DLG2: variants seen among roughly 807,000 people sequenced by gnomAD.
The protein encoded by DLG2 is disks large homolog 2.
In DLG2, 45 loss-of-function variants were observed where a neutral mutation model predicts 132.5. The observed-to-expected ratio is 0.34, with a 90% CI of 0.27 to 0.44. The LOEUF is 0.44. Ranked by LOEUF, DLG2 falls within the 20% of genes least tolerant of loss-of-function variation. DLG2 has a pLI of 1.00. For synonymous variants in DLG2, 424 were observed against 419.6 expected (o/e 1.01, Z -0.13); for missense variants, 1,045 against 1,196.9 (o/e 0.87, Z 1.87).
At chr11:85,394,959 T>G (rs1156390614) in intron 3 of DLG2, among the ~76,000 whole-genome samples, 3 of 152,228 alleles carry the variant, frequency 2.0e-5, no homozygotes. Context: ...ACATGTATAC[T>G]TTTGCACTAT....
chr11:84,542,920 T>C (rs181407779), intron 6 of DLG2, among the ~76,000 whole-genome samples: 6 of 150,160 alleles, frequency 4.0e-5, no homozygotes, highest in Admixed American at 4.0e-4. Flanking sequence ...CTTTTAGGGA[T>C]TTCTGCAGTC....
intron 10 of DLG2, among the ~76,000 whole-genome samples, chr11:84,083,500 A>C (rs760927363): frequency 2.0e-5 from 3 of 152,202 alleles, no homozygotes; most frequent in Non-Finnish European, 4.4e-5. Context: ...TTCCCAATGC[A>C]ACAGTGTTGG....
intron 7 of DLG2, among the ~76,000 whole-genome samples, chr11:84,519,312 T>C (rs7107338): frequency 0.062 from 9,409 of 152,276 alleles, 335 homozygotes; most frequent in Middle Eastern, 0.11. Flanking sequence ...AAGTGTATCA[T>C]CATTTTAGCA....
chr11:84,808,030 T>C (rs369383407), intron 6 of DLG2, among the ~76,000 whole-genome samples: 24 of 152,210 alleles, frequency 1.6e-4, no homozygotes, highest in African/African-American at 5.5e-4. Flanking sequence ...CATAAAAAAC[T>C]AGAAGAATAC....
chr11:83,792,332 T>C (rs1272985574), intron 17 of DLG2, among the ~76,000 whole-genome samples: 5 of 152,294 alleles, frequency 3.3e-5, no homozygotes, highest in Non-Finnish European at 5.9e-5. Context: ...TAGGAACTAA[T>C]AAATAAGAAA....
At chr11:85,310,445 C>G (rs2080243112) in intron 3 of DLG2, among the ~76,000 whole-genome samples, 1 of 152,174 alleles carries the variant, frequency 6.6e-6, no homozygotes, top group Admixed American at 6.5e-5. Flanking sequence ...ATTTCCAAAG[C>G]TACGCCCCAA....
intron 6 of DLG2, among the ~76,000 whole-genome samples, chr11:84,904,460 T>C (rs918309168): frequency 6.6e-6 from 1 of 152,170 alleles, no homozygotes; most frequent in African/African-American, 2.4e-5. Flanking sequence ...CTTTTTCAGA[T>C]CTTATTTTTT....
At chr11:85,605,328 G>A (rs1427292858) in intron 2 of DLG2, among the ~76,000 whole-genome samples, 1 of 151,452 alleles carries the variant, frequency 6.6e-6, no homozygotes, top group African/African-American at 2.5e-5. Flanking sequence ...AAATGGAGAT[G>A]AGCATATTTT....
intron 4 of DLG2, among the ~76,000 whole-genome samples, chr11:85,234,144 T>G (rs867802986): frequency 2.6e-5 from 4 of 151,902 alleles, no homozygotes; most frequent in Non-Finnish European, 5.9e-5. Flanking sequence ...TTTAAACTAC[T>G]GATTATAATA....
At chr11:84,818,520 A>G (rs1341431195) in intron 6 of DLG2, among the ~76,000 whole-genome samples, 1 of 151,708 alleles carries the variant, frequency 6.6e-6, no homozygotes, top group African/African-American at 2.4e-5. Context: ...AATATATTAT[A>G]TAAATATACT....
intron 6 of DLG2, among the ~76,000 whole-genome samples, chr11:84,879,510 G>A (rs543874909): frequency 6.6e-6 from 1 of 152,238 alleles, no homozygotes; most frequent in East Asian, 1.9e-4. Context: ...TTGTTTGTGT[G>A]TGGGTGGTAT....
intron 18 of DLG2, among the ~76,000 whole-genome samples, chr11:83,715,793 T>C (rs556852371): frequency 1.2e-3 from 187 of 152,326 alleles, no homozygotes; most frequent in African/African-American, 4.4e-3. Flanking sequence ...TAGGACAAGC[T>C]GAGAGCTCCC....
chr11:84,626,966 G>T (rs2099623861), intron 6 of DLG2, among the ~76,000 whole-genome samples: 1 of 151,844 alleles, frequency 6.6e-6, no homozygotes, highest in African/African-American at 2.4e-5. Context: ...CTGCCTCCCA[G>T]GTTCAAGTGA....
At chr11:83,724,476 T>TGTGTGTGAGA (rs762050933) in intron 18 of DLG2, among the ~76,000 whole-genome samples, 106 of 118,228 alleles carry the variant, frequency 9.0e-4, no homozygotes, top group Middle Eastern at 4.8e-3. Context: ...TGTGTGTGTG[T>TGTGTGTGAGA]GAGAGAGAGA....
chr11:85,369,696 A>T (rs181847573), intron 3 of DLG2, among the ~76,000 whole-genome samples: 176 of 152,192 alleles, frequency 1.2e-3, no homozygotes, highest in African/African-American at 4.1e-3. Context: ...TTGTTTAGCA[A>T]CCCTGCCTTA....
At chr11:84,446,832 C>T (rs761563233) in intron 7 of DLG2, among the ~76,000 whole-genome samples, 1 of 152,116 alleles carries the variant, frequency 6.6e-6, no homozygotes, top group East Asian at 1.9e-4. Flanking sequence ...AAACCCTACA[C>T]TCTCACCCTA....
chr11:84,428,626 A>C (rs77957347), intron 7 of DLG2, among the ~76,000 whole-genome samples: 4,937 of 152,258 alleles, frequency 0.032, 134 homozygotes, highest in South Asian at 0.15. Context: ...CAATGCCACC[A>C]AGCCTATCAG....
chr11:85,309,903 A>C (rs1431214080), intron 3 of DLG2, among the ~76,000 whole-genome samples: 1 of 152,126 alleles, frequency 6.6e-6, no homozygotes, highest in Non-Finnish European at 1.5e-5. Context: ...TTTAACTATG[A>C]GTTCCTTGAG....
At chr11:83,742,354 GT>G (rs764719889) in intron 18 of DLG2, among the ~76,000 whole-genome samples, 3 of 151,438 alleles carry the variant, frequency 2.0e-5, no homozygotes, top group Non-Finnish European at 4.4e-5. Context: ...AATATATATA[GT>G]TTTTTTAAAA....
Sources: gnomAD v4.1 joint callset for allele counts (sites outside exome capture counted in the v4.1 genomes callset) on GRCh38, gnomAD v4.1.1 for gene constraint, MANE v1.5 for transcripts, NCBI Gene and HGNC (gene_info 2026-07-23, HGNC 2026-07-21) for gene names.